The following GRIK2 variants were observed in gnomAD, a reference collection of about 807,000 sequenced individuals.
GRIK2 encodes glutamate ionotropic receptor kainate type subunit 2.
In GRIK2, 32 loss-of-function variants were observed where a neutral mutation model predicts 100.3. That is an observed-to-expected ratio of 0.32 (90% confidence interval 0.24 to 0.43). GRIK2 has a LOEUF of 0.43. Ranked by LOEUF, GRIK2 falls within the 20% of genes least tolerant of loss-of-function variation. GRIK2 has a pLI of 1.00. For missense variants in GRIK2, 843 were observed against 1,114.9 expected, an observed-to-expected ratio of 0.76 and a Z score of 3.47; for synonymous variants, 417 against 389.4, an observed-to-expected ratio of 1.07 and a Z score of -0.83.
intron 14 of GRIK2, among the ~76,000 whole-genome samples, chr6:101,939,382 A>G (rs533759994): frequency 1.3e-5 from 2 of 152,040 alleles, no homozygotes; most frequent in Admixed American, 6.6e-5. Flanking sequence ...TATTATCCTT[A>G]TTGTGAGGAG....
chr6:102,022,165 CA>C (rs34922053), intron 14 of GRIK2, among the ~76,000 whole-genome samples: 1 of 143,024 alleles, frequency 7.0e-6, no homozygotes, highest in Non-Finnish European at 1.5e-5. Flanking sequence ...CACACACACA[CA>C]ACATATATTT....
intron 2 of GRIK2, among the ~76,000 whole-genome samples, chr6:101,473,133 CTTCCTTCCTTCCTTCCTTCT>C (rs781468079): frequency 8.2e-5 from 8 of 97,870 alleles, no homozygotes; most frequent in African/African-American, 2.6e-4. Flanking sequence ...TCCTTCCTTC[CTTCCTTCCTTCCTTCCTTCT>C]TTCCTTCCTT....
intron 2 of GRIK2, among the ~76,000 whole-genome samples, chr6:101,550,633 G>T (rs1396516890): frequency 6.6e-6 from 1 of 152,138 alleles, no homozygotes; most frequent in African/African-American, 2.4e-5. Flanking sequence ...TATGCCAGCT[G>T]TCTTAACGTG....
At chr6:101,415,089 C>T (rs895905314) in intron 2 of GRIK2, among the ~76,000 whole-genome samples, 5 of 151,810 alleles carry the variant, frequency 3.3e-5, no homozygotes, top group Non-Finnish European at 7.4e-5. Flanking sequence ...TAAAACCTCC[C>T]ATAATTACAC....
At chr6:101,551,805 T>C (rs1349383240) in intron 2 of GRIK2, among the ~76,000 whole-genome samples, 1 of 152,206 alleles carries the variant, frequency 6.6e-6, no homozygotes, top group Non-Finnish European at 1.5e-5. Context: ...CTTGGAATTC[T>C]ATCTTGTCAC....
chr6:101,975,480 G>C (rs1793306808), intron 14 of GRIK2, among the ~76,000 whole-genome samples: 2 of 152,096 alleles, frequency 1.3e-5, no homozygotes, highest in South Asian at 2.1e-4. Flanking sequence ...TGTAAGAAAA[G>C]TGTTGTGATC....
At chr6:101,629,778 C>T (rs150330981) in intron 4 of GRIK2, among the ~76,000 whole-genome samples, 349 of 152,090 alleles carry the variant, frequency 2.3e-3, no homozygotes, top group Middle Eastern at 0.01. Context: ...GGCTATATTG[C>T]ATGATGCTGA....
chr6:101,435,608 A>T (rs1313446582), intron 2 of GRIK2, among the ~76,000 whole-genome samples: 1 of 151,994 alleles, frequency 6.6e-6, no homozygotes, highest in African/African-American at 2.4e-5. Flanking sequence ...TTTCCTTTGC[A>T]CACATGATTT....
chr6:101,617,313 T>A (rs1779935380), intron 2 of GRIK2, among the ~76,000 whole-genome samples: 1 of 151,846 alleles, frequency 6.6e-6, no homozygotes, highest in South Asian at 2.1e-4. Context: ...TTCCCACCAC[T>A]AACATTTTTT....
intron 4 of GRIK2, among the ~76,000 whole-genome samples, chr6:101,649,290 A>G (rs751291131): frequency 3.9e-5 from 6 of 152,112 alleles, no homozygotes; most frequent in Non-Finnish European, 8.8e-5. Context: ...CATCACCTCA[A>G]TCCCCTCAGG....
intron 14 of GRIK2, among the ~76,000 whole-genome samples, chr6:101,988,710 C>G (rs919310757): frequency 1.3e-5 from 2 of 151,756 alleles, no homozygotes; most frequent in African/African-American, 4.8e-5. Flanking sequence ...TTAATTAATG[C>G]CTGTGGATAT....
chr6:101,672,570 T>C (rs1482204553), intron 4 of GRIK2, among the ~76,000 whole-genome samples: 1 of 146,184 alleles, frequency 6.8e-6, no homozygotes, highest in Non-Finnish European at 1.5e-5. Context: ...CTTATTTTTA[T>C]GTGTTTTTTT....
intron 4 of GRIK2, among the ~76,000 whole-genome samples, chr6:101,639,562 G>C (rs971285432): frequency 1.8e-4 from 28 of 152,134 alleles, no homozygotes; most frequent in African/African-American, 6.5e-4. Flanking sequence ...CTGCACCCCA[G>C]TCTGGGCGAG....
At chr6:101,932,624 A>G (rs748752718) in intron 14 of GRIK2, among the ~76,000 whole-genome samples, 2 of 151,446 alleles carry the variant, frequency 1.3e-5, no homozygotes, top group Non-Finnish European at 3.0e-5. Context: ...TTACTAATCC[A>G]AGATATGTTT....
intron 2 of GRIK2, among the ~76,000 whole-genome samples, chr6:101,503,882 G>C (rs1773892993): frequency 6.6e-6 from 1 of 152,104 alleles, no homozygotes; most frequent in Non-Finnish European, 1.5e-5. Context: ...TGCAGCAGGA[G>C]GTTGTGGGAA....
intron 11 of GRIK2, among the ~76,000 whole-genome samples, chr6:101,887,660 G>A (rs1052542764): frequency 1.3e-5 from 2 of 152,114 alleles, no homozygotes; most frequent in Admixed American, 6.5e-5. Context: ...GAAGCCTCAG[G>A]AAACTTACAA....
chr6:101,842,223 A>G (rs1216027113), intron 10 of GRIK2, among the ~76,000 whole-genome samples: 1 of 151,912 alleles, frequency 6.6e-6, no homozygotes, highest in Non-Finnish European at 1.5e-5. Flanking sequence ...TTTTCTCCTT[A>G]TGGGCCACCA....
At chr6:102,044,559 C>CA (rs1770776632) in intron 15 of GRIK2, among the ~76,000 whole-genome samples, 3 of 151,968 alleles carry the variant, frequency 2.0e-5, no homozygotes, top group Admixed American at 1.3e-4. Flanking sequence ...ATGAAACCAT[C>CA]AGATCTCGTG....
Position 101,547,755 on chromosome 6 carries a change from T to A in GRIK2, c.116-74194T>A, listed in dbSNP as rs1431555657. ...TTGGGTTGGTTCCAAGTCTTTGCTC[T>A]TGTGAATAGTGCCGCAATAAACATA... On this transcript the variant is annotated intron_variant, in intron 2 of 16. Transcript: ENST00000369134. Among the ~76,000 whole-genome samples, 40 of 151,904 alleles carry A rather than the reference T, an allele frequency of 2.6e-4. 1 individual carries two copies. In the South Asian group the frequency reaches 5.8e-3, roughly 22 times the overall value.
Sources: allele counts gnomAD v4.1 joint callset (sites outside exome capture counted in the v4.1 genomes callset), GRCh38; gene constraint gnomAD v4.1.1; transcripts MANE v1.5; gene names NCBI Gene and HGNC (gene_info 2026-07-23, HGNC 2026-07-21).